Variants in CNTNAP2 observed in about 807,000 individuals in gnomAD.
CNTNAP2 encodes the protein contactin associated protein 2, also known as contactin-associated protein-like 2.
CNTNAP2 carries 98 observed loss-of-function variants against 155.2 expected under a neutral mutation model. The observed-to-expected ratio is 0.63, with a 90% CI of 0.54 to 0.75. The LOEUF (loss-of-function observed/expected upper bound fraction) is 0.75. Ranked by LOEUF, CNTNAP2 falls within the 30% of genes least tolerant of loss-of-function variation. The probability of loss-of-function intolerance (pLI) is 0.00; values close to 1 mark genes in which losing one functional copy is unlikely to be tolerated. For missense variants in CNTNAP2, 1,727 were observed against 1,688.1 expected (o/e 1.02, Z -0.40); for synonymous variants, 651 against 631.2 (o/e 1.03, Z -0.47).
At chr7:146,253,886 G>A (rs932776044) in intron 1 of CNTNAP2, among the ~76,000 whole-genome samples, 32 of 142,394 alleles carry the variant, frequency 2.2e-4, no homozygotes, top group African/African-American at 9.7e-4. Context: ...GTGCAACCCT[G>A]TCACTACAAA....
intron 12 of CNTNAP2, among the ~76,000 whole-genome samples, chr7:147,591,203 C>T (rs1403380451): frequency 2.6e-5 from 4 of 152,172 alleles, no homozygotes; most frequent in Non-Finnish European, 5.9e-5. Flanking sequence ...CTAGGGCTGC[C>T]ATAACAAAAT....
chr7:146,995,293 A>G (rs1359690390), intron 3 of CNTNAP2, among the ~76,000 whole-genome samples: 2 of 152,136 alleles, frequency 1.3e-5, no homozygotes, highest in Non-Finnish European at 2.9e-5. Flanking sequence ...ACGCTGTAAT[A>G]AAAATGAGAG....
At chr7:147,741,431 A>G (rs987872947) in intron 13 of CNTNAP2, among the ~76,000 whole-genome samples, 1 of 152,230 alleles carries the variant, frequency 6.6e-6, no homozygotes, top group African/African-American at 2.4e-5. Flanking sequence ...ATATTAAATT[A>G]AGAGTTATCT....
At chr7:147,313,227 C>A (rs570555797) in intron 9 of CNTNAP2, among the ~76,000 whole-genome samples, 192 of 152,200 alleles carry the variant, frequency 1.3e-3, no homozygotes, top group Non-Finnish European at 2.4e-3. Flanking sequence ...TCCCACTCTG[C>A]TGGTAGTTTC....
intron 15 of CNTNAP2, among the ~76,000 whole-genome samples, chr7:147,987,537 G>A (rs928422740): frequency 1.3e-5 from 2 of 152,128 alleles, no homozygotes; most frequent in Admixed American, 1.3e-4. Flanking sequence ...TGTCAACAAA[G>A]AGTCAAATTC....
chr7:146,480,925 C>T (rs538482466), intron 1 of CNTNAP2, among the ~76,000 whole-genome samples: 1 of 152,008 alleles, frequency 6.6e-6, no homozygotes, highest in Non-Finnish European at 1.5e-5. Flanking sequence ...CGTGATCCGC[C>T]CGCCTCGGCC....
chr7:148,147,789 G>A, intron 17 of CNTNAP2, 80 bp downstream of exon 17: 1 of 1,273,658 alleles, frequency 7.9e-7, no homozygotes. Context: ...AAAAAAATCA[G>A]CCTATGCAAG....
At chr7:146,473,885 T>G (rs1796835887) in intron 1 of CNTNAP2, among the ~76,000 whole-genome samples, 1 of 152,242 alleles carries the variant, frequency 6.6e-6, no homozygotes, top group Admixed American at 6.5e-5. Context: ...ACATTTTGAT[T>G]ACTTCTGTCT....
At chr7:147,517,327 G>A (rs1403827050) in intron 11 of CNTNAP2, among the ~76,000 whole-genome samples, 2 of 152,114 alleles carry the variant, frequency 1.3e-5, no homozygotes, top group Admixed American at 6.6e-5. Flanking sequence ...TGGCAAGTAC[G>A]AATACTCCTA....
At chr7:146,174,933 G>A (rs1378201164) in intron 1 of CNTNAP2, among the ~76,000 whole-genome samples, 2 of 152,088 alleles carry the variant, frequency 1.3e-5, no homozygotes, top group Admixed American at 6.5e-5. Flanking sequence ...CTTCATAGAT[G>A]CCCCCAACTT....
At chr7:147,167,524 A>G in intron 8 of CNTNAP2, 1 of 827,916 alleles carries the variant, frequency 1.2e-6, no homozygotes, top group Non-Finnish European at 1.9e-6. Context: ...CATTATAAGC[A>G]TGACTTAGAG....
chr7:147,098,531 A>C (rs1465640761), intron 4 of CNTNAP2, among the ~76,000 whole-genome samples: 1 of 152,222 alleles, frequency 6.6e-6, no homozygotes, highest in Non-Finnish European at 1.5e-5. Flanking sequence ...TTCAGAGTCC[A>C]GAAGTTGATC....
intron 1 of CNTNAP2, among the ~76,000 whole-genome samples, chr7:146,190,842 A>G (rs981927827): frequency 1.3e-5 from 2 of 152,172 alleles, no homozygotes; most frequent in Admixed American, 6.5e-5. Context: ...CTTTCTAAAC[A>G]GACATCTAGT....
At chr7:146,950,360 T>C (rs1386370282) in intron 3 of CNTNAP2, among the ~76,000 whole-genome samples, 1 of 152,116 alleles carries the variant, frequency 6.6e-6, no homozygotes, top group Non-Finnish European at 1.5e-5. Context: ...GTTTGTTACA[T>C]AGGTATACAC....
In CNTNAP2 at chr7:148,208,506, G is replaced by A. The variant is rs1311263770; in HGVS notation, c.3011-8782G>A. Among the ~76,000 whole-genome samples, 3 of 152,044 alleles carry A rather than the reference G, an allele frequency of 2.0e-5. 1 individual carries two copies. The highest frequency in any genetic ancestry group is 1.3e-4 in the Admixed American group (2 of 15,266). On this transcript the variant is annotated intron_variant, in intron 18 of 23. Transcript: ENST00000361727. ...CCCCAACATTTTCAGGATACACGGA[G>A]GAAAAAGAGCCAATGCCTTACAGAG...
chr7:146,148,041 G>A (rs549753342), intron 1 of CNTNAP2, among the ~76,000 whole-genome samples: 6 of 152,138 alleles, frequency 3.9e-5, no homozygotes, highest in African/African-American at 1.4e-4. Flanking sequence ...GCTTTATCAG[G>A]AAATGGCAGG....
intron 1 of CNTNAP2, among the ~76,000 whole-genome samples, chr7:146,288,940 G>A (rs899574180): frequency 6.6e-6 from 1 of 151,442 alleles, no homozygotes; most frequent in African/African-American, 2.4e-5. Flanking sequence ...GAGTAGCTGG[G>A]ATTATTGGTG....
chr7:146,695,972 T>C (rs1800775224), intron 1 of CNTNAP2, among the ~76,000 whole-genome samples: 1 of 152,188 alleles, frequency 6.6e-6, no homozygotes, highest in Non-Finnish European at 1.5e-5. Context: ...TTTGCATTTA[T>C]GTTCATGAGA....
rs529542633 is a variant in CNTNAP2 at position 146,891,083 on chromosome 7, T to C, written c.402+51179T>C. Among the ~76,000 whole-genome samples the C allele has an allele frequency of 3.3e-4, 50 of 152,310 alleles. No homozygotes were observed. In the East Asian group the frequency reaches 3.5e-3, roughly 11 times the overall value. On this transcript the variant is annotated intron_variant, in intron 3 of 23. Transcript: ENST00000361727. ...CAGCCACAAAAAATAAACAAAATTA[T>C]GTTCCTTGCAGCAACATGGATGCAG...
Sources: allele counts gnomAD v4.1 joint callset (sites outside exome capture counted in the v4.1 genomes callset), GRCh38; gene constraint gnomAD v4.1.1; transcripts MANE v1.5; gene names NCBI Gene and HGNC (gene_info 2026-07-23, HGNC 2026-07-21).